The following KAT7 variants were observed in gnomAD, a reference collection of about 807,000 sequenced individuals.
KAT7 encodes lysine acetyltransferase 7.
A neutral mutation model predicts 82.1 loss-of-function variants in KAT7; 10 were observed. The observed-to-expected ratio is 0.12, with a 90% CI of 0.08 to 0.21. The LOEUF (loss-of-function observed/expected upper bound fraction) is 0.21. Among genes scored for constraint, KAT7 ranks in the 10% least tolerant of loss-of-function variants. The pLI, the probability that KAT7 is intolerant of heterozygous loss-of-function variation, is 1.00. For synonymous variants in KAT7, 250 were observed against 262.5 expected (o/e 0.95, Z 0.46); for missense variants, 378 against 760.9 (o/e 0.50, Z 5.92).
intron 1 of KAT7, 46 bp from the exon 2 acceptor site, chr17:49,791,840 C>G: frequency 6.3e-7 from 1 of 1,586,976 alleles, no homozygotes; most frequent in Non-Finnish European, 8.6e-7. Context: ...TGCAAACTCT[C>G]AGACCAAATG....
intron 2 of KAT7, among the ~76,000 whole-genome samples, chr17:49,794,898 G>T (rs1373454961): frequency 6.6e-6 from 1 of 152,128 alleles, no homozygotes; most frequent in African/African-American, 2.4e-5. Flanking sequence ...GTGAAAGGAG[G>T]CCCCTTGGAG....
chr17:49,826,582 C>A, intron 13 of KAT7, 111 bp from the exon 14 acceptor site: 1 of 725,416 alleles, frequency 1.4e-6, no homozygotes, highest in Non-Finnish European at 2.5e-6. Context: ...GGGTTGAGTA[C>A]AGAAGATTCT....
chr17:49,791,702 C>G (rs2073891913), intron 1 of KAT7, among the ~76,000 whole-genome samples, 184 bp from the exon 2 acceptor site: 1 of 152,142 alleles, frequency 6.6e-6, no homozygotes, highest in South Asian at 2.1e-4. Context: ...TAGGTTGTTC[C>G]ATTTAAGTGT....
At chr17:49,806,511 A>G (rs957996532) in intron 5 of KAT7, among the ~76,000 whole-genome samples, 1 of 152,192 alleles carries the variant, frequency 6.6e-6, no homozygotes, top group African/African-American at 2.4e-5. Context: ...CTGGGACTAA[A>G]TCAAAACAGA....
rs2073840950 is a variant in KAT7 at position 49,788,770 on chromosome 17, G to A, written c.-65G>A. The stretch of plus-strand genomic sequence containing the variant: ...ACAGAGGCCGCCACGGAGCCCGCCG[G>A]AGCCACCGTTCCTGCTGCTGCCGCC... On this transcript the variant is annotated 5_prime_UTR_variant, in exon 1 of 15. Coordinates refer to ENST00000259021, the MANE Select transcript of KAT7 (RefSeq NM_007067.5). 3 of 1,541,670 alleles carry A rather than the reference G, an allele frequency of 1.9e-6. No individual in the cohort carries two copies. Among genetic ancestry groups the A allele is most frequent in the East Asian group, 5.1e-5 (2 of 39,362 alleles).
chr17:49,833,738 G>A lies in KAT7; in HGVS notation c.*6236G>A, dbSNP rs1018258950. On this transcript the variant is annotated 3_prime_UTR_variant, in exon 15 of 15. Transcript: ENST00000259021. The stretch of plus-strand genomic sequence containing the variant: ...CCAGCTGAACGCACCCTCATGAGTG[G>A]CCCTTGCTGGTACCACATGACACTA... 3 of 152,204 alleles carry A rather than the reference G, an allele frequency of 2.0e-5. No homozygotes were observed. Among genetic ancestry groups the A allele is most frequent in the Non-Finnish European group, 4.4e-5 (3 of 68,038 alleles). 9.4% of individuals were successfully genotyped at this position (152,204 alleles called of 1,614,324 possible). A position where few individuals can be genotyped will look rare whatever the true frequency, so the allele number is the denominator to read the frequency against.
At position 49,829,101 on chromosome 17, in the gene KAT7, G is replaced by T. The variant is rs555094683; in HGVS notation, c.*1599G>T. 2 of 152,712 alleles carry T rather than the reference G, an allele frequency of 1.3e-5. No individual in the cohort carries two copies. Among genetic ancestry groups the T allele is most frequent in the East Asian group, 1.9e-4 (1 of 5,190 alleles). 9.5% of individuals were successfully genotyped at this position (152,712 alleles called of 1,614,324 possible). On this transcript the variant is annotated 3_prime_UTR_variant, in exon 15 of 15. Transcript: ENST00000259021. ...TAAAGCATGTTCTCTGCTCAAGTCT[G>T]TTTCATCTGGGGGCTCTCATTTATA...
At chr17:49,813,123 A>G (rs2074190754) in intron 7 of KAT7, among the ~76,000 whole-genome samples, 1 of 147,156 alleles carries the variant, frequency 6.8e-6, no homozygotes, top group South Asian at 2.1e-4. Flanking sequence ...TAATGATCTT[A>G]TCCTGTCACC....
Position 49,821,317 on chromosome 17 carries a change from T to G in KAT7, c.1156-20T>G, listed in dbSNP as rs373796058. On this transcript the variant is annotated intron_variant, in intron 9 of 14. Coordinates refer to ENST00000259021, the MANE Select transcript of KAT7 (RefSeq NM_007067.5). ...GTTGGGAGGCTTTGGTTCCCTGATGTGAATTTCATTGTCTTGCAGGCCAAA... is the reference window on the plus strand; with the variant it reads ...GTTGGGAGGCTTTGGTTCCCTGATGGGAATTTCATTGTCTTGCAGGCCAAA... 10 of 1,594,266 alleles carry G rather than the reference T, an allele frequency of 6.3e-6. No individual in the cohort carries two copies. The East Asian group carries it at 1.6e-4, about 25-fold the overall frequency.
At chr17:49,801,242 AGT>A (rs1458115941) in intron 4 of KAT7, among the ~76,000 whole-genome samples, 1 of 152,192 alleles carries the variant, frequency 6.6e-6, no homozygotes, top group African/African-American at 2.4e-5. Flanking sequence ...GCTGGAGTAC[AGT>A]GGCGTGGTCA....
At chr17:49,819,595 C>A (rs190403889) in intron 9 of KAT7, among the ~76,000 whole-genome samples, 1 of 152,214 alleles carries the variant, frequency 6.6e-6, no homozygotes, top group Admixed American at 6.5e-5. Flanking sequence ...CTGAATAAAT[C>A]TGAGAATCAA....
chr17:49,794,106 C>T (rs1376561538), intron 2 of KAT7, among the ~76,000 whole-genome samples: 1 of 152,022 alleles, frequency 6.6e-6, no homozygotes. Context: ...TACTAGGAAC[C>T]ATGATAGAAA....
intron 5 of KAT7, among the ~76,000 whole-genome samples, chr17:49,806,519 A>G (rs1297285612): frequency 6.6e-6 from 1 of 152,214 alleles, no homozygotes. Context: ...AAATCAAAAC[A>G]GAAAAAGCTG....
intron 2 of KAT7, among the ~76,000 whole-genome samples, chr17:49,794,371 C>T (rs1156576605): frequency 2.6e-5 from 4 of 152,170 alleles, no homozygotes; most frequent in Non-Finnish European, 4.4e-5. Flanking sequence ...CTGCAGCTTC[C>T]GCCTCCTGGG....
chr17:49,790,593 G>A (rs2073874597), intron 1 of KAT7, among the ~76,000 whole-genome samples: 1 of 152,202 alleles, frequency 6.6e-6, no homozygotes, highest in Non-Finnish European at 1.5e-5. Flanking sequence ...AATACCGGGA[G>A]TTACTTGAAA....
At chr17:49,791,738 G>A (rs2073892117) in intron 1 of KAT7, 148 bp from the exon 2 acceptor site, 1 of 707,930 alleles carries the variant, frequency 1.4e-6, no homozygotes, top group Admixed American at 2.3e-5. Flanking sequence ...GTTGCCTGAG[G>A]GGGTGGGAGG....
rs765302563 is a variant in KAT7 at position 49,811,598 on chromosome 17, T to C, written c.852+24T>C. 5.7e-6 allele frequency: 7 copies of C among 1,219,166 alleles called. No individual in the cohort carries two copies. In the African/African-American group the frequency reaches 7.7e-5, roughly 13 times the overall value. 75.5% of individuals were successfully genotyped at this position (1,219,166 alleles called of 1,614,324 possible). A position where few individuals can be genotyped will look rare whatever the true frequency, so the allele number is the denominator to read the frequency against. ...TGGTGAGGGAAAGTTAAATATTTAA[T>C]GAGCATGAACTCCTGCTATCACATT... On this transcript the variant is annotated intron_variant, in intron 7 of 14. Coordinates refer to ENST00000259021, the MANE Select transcript of KAT7 (RefSeq NM_007067.5).
At chr17:49,817,602 G>T (rs1232449915) in intron 8 of KAT7, among the ~76,000 whole-genome samples, 1 of 152,166 alleles carries the variant, frequency 6.6e-6, no homozygotes, top group African/African-American at 2.4e-5. Flanking sequence ...AAGTAGCTGG[G>T]ATTACAATTG....
At chr17:49,826,218 CT>C (rs1368103165) in intron 13 of KAT7, 72 bp downstream of exon 13, 1 of 1,469,540 alleles carries the variant, frequency 6.8e-7, no homozygotes, top group East Asian at 2.3e-5. Flanking sequence ...TGTGTTTCCC[CT>C]GAATGTGAGA....
Sources: gnomAD v4.1 joint callset for allele counts (sites outside exome capture counted in the v4.1 genomes callset) on GRCh38, gnomAD v4.1.1 for gene constraint, MANE v1.5 for transcripts, NCBI Gene and HGNC (gene_info 2026-07-23, HGNC 2026-07-21) for gene names.